Variants in ATP8A2 observed in about 807,000 individuals in gnomAD.
ATP8A2 encodes the protein ATPase phospholipid transporting 8A2.
In ATP8A2, 100 loss-of-function variants were observed where a neutral mutation model predicts 165.6. The observed-to-expected ratio is 0.60, with a 90% CI of 0.51 to 0.71. ATP8A2 has a LOEUF of 0.71. Ranked by LOEUF, ATP8A2 falls within the 30% of genes least tolerant of loss-of-function variation. The pLI is 0.00. For synonymous variants in ATP8A2, 543 were observed against 548.8 expected (o/e 0.99, Z 0.15); for missense variants, 1,227 against 1,479.5 (o/e 0.83, Z 2.80).
At chr13:25,671,309 A>C (rs1445235155) in intron 24 of ATP8A2, among the ~76,000 whole-genome samples, 1 of 152,148 alleles carries the variant, frequency 6.6e-6, no homozygotes, top group Non-Finnish European at 1.5e-5. Context: ...AACTGTACAA[A>C]TTGTACAGCA....
intron 2 of ATP8A2, among the ~76,000 whole-genome samples, chr13:25,495,277 G>T (rs1233595786): frequency 1.3e-5 from 2 of 152,176 alleles, no homozygotes; most frequent in Non-Finnish European, 2.9e-5. Flanking sequence ...AAGAGGCTGA[G>T]AAGGGGTTTG....
At chr13:25,726,126 T>C (rs2043487937) in intron 25 of ATP8A2, among the ~76,000 whole-genome samples, 1 of 152,198 alleles carries the variant, frequency 6.6e-6, no homozygotes, top group African/African-American at 2.4e-5. Context: ...TTAAAGAAAT[T>C]CTTTAAAGAG....
At chr13:25,914,308 T>C (rs1026299149) in intron 33 of ATP8A2, among the ~76,000 whole-genome samples, 3 of 152,194 alleles carry the variant, frequency 2.0e-5, no homozygotes, top group African/African-American at 4.8e-5. Flanking sequence ...AATATAAATA[T>C]CAAGTATAAA....
chr13:25,860,324 C>A, intron 31 of ATP8A2, 68 bp downstream of exon 31: 1 of 880,066 alleles, frequency 1.1e-6, no homozygotes. Flanking sequence ...TCTCTAAACC[C>A]TTAAAAAGGG....
intron 1 of ATP8A2, among the ~76,000 whole-genome samples, chr13:25,439,345 T>A (rs1435152318): frequency 1.3e-5 from 2 of 152,082 alleles, no homozygotes; most frequent in Admixed American, 6.5e-5. Context: ...AAGGACATCA[T>A]GGAGCTTTGC....
chr13:25,709,844 A>G (rs545518604), intron 25 of ATP8A2, among the ~76,000 whole-genome samples: 175 of 152,324 alleles, frequency 1.1e-3, no homozygotes, highest in Non-Finnish European at 1.6e-3. Context: ...ATAATGAATA[A>G]TGAATGCAAT....
chr13:25,551,938 C>A (rs1049608840), intron 11 of ATP8A2, among the ~76,000 whole-genome samples: 3 of 151,766 alleles, frequency 2.0e-5, no homozygotes, highest in African/African-American at 7.3e-5. Context: ...TAATTTGTGT[C>A]TCTTAAAGAA....
intron 27 of ATP8A2, among the ~76,000 whole-genome samples, chr13:25,781,808 G>C (rs2044887587): frequency 6.6e-6 from 1 of 152,058 alleles, no homozygotes; most frequent in African/African-American, 2.4e-5. Context: ...AACATTGTTA[G>C]AAAAAAATCA....
At chr13:25,380,123 T>C (rs538162171) in intron 1 of ATP8A2, among the ~76,000 whole-genome samples, 1 of 152,198 alleles carries the variant, frequency 6.6e-6, no homozygotes, top group African/African-American at 2.4e-5. Context: ...TAATGAGGCC[T>C]GAACCCATGC....
intron 33 of ATP8A2, among the ~76,000 whole-genome samples, chr13:25,954,675 A>G (rs1365811602): frequency 2.0e-5 from 3 of 152,230 alleles, no homozygotes; most frequent in African/African-American, 4.8e-5. Flanking sequence ...ACAGGCAGCA[A>G]TTCTTGCTGT....
At chr13:25,818,026 T>C (rs1566169880) in intron 27 of ATP8A2, among the ~76,000 whole-genome samples, 1 of 152,244 alleles carries the variant, frequency 6.6e-6, no homozygotes, top group East Asian at 1.9e-4. Context: ...AGTATTTAAT[T>C]TGTGTTATTT....
chr13:25,965,257 A>T (rs1236763062), intron 34 of ATP8A2, among the ~76,000 whole-genome samples: 1 of 152,220 alleles, frequency 6.6e-6, no homozygotes, highest in Non-Finnish European at 1.5e-5. Flanking sequence ...CCATCTTTCT[A>T]CATTTTCCCC....
At chr13:25,880,740 A>G (rs1952957256) in intron 33 of ATP8A2, among the ~76,000 whole-genome samples, 1 of 152,196 alleles carries the variant, frequency 6.6e-6, no homozygotes, top group Non-Finnish European at 1.5e-5. Context: ...AACCTCACCT[A>G]TCCCTTCATG....
intron 24 of ATP8A2, among the ~76,000 whole-genome samples, chr13:25,697,402 C>A (rs1382783594): frequency 6.6e-6 from 1 of 152,176 alleles, no homozygotes; most frequent in East Asian, 1.9e-4. Context: ...GCCTCAGACT[C>A]CTGAGTAGCT....
chr13:25,889,676 C>T (rs1196492159), intron 33 of ATP8A2, among the ~76,000 whole-genome samples: 5 of 151,892 alleles, frequency 3.3e-5, no homozygotes, highest in African/African-American at 1.2e-4. Context: ...TACCTCCTGC[C>T]TATTTGTTCC....
chr13:25,527,641 G>A (rs572989029), intron 2 of ATP8A2, among the ~76,000 whole-genome samples: 4 of 152,184 alleles, frequency 2.6e-5, no homozygotes, highest in Non-Finnish European at 5.9e-5. Context: ...ATTTGGGCTC[G>A]TTTTTCTAGT....
chr13:25,604,710 T>C (rs2040472624), intron 24 of ATP8A2, among the ~76,000 whole-genome samples: 1 of 152,242 alleles, frequency 6.6e-6, no homozygotes, highest in Non-Finnish European at 1.5e-5. Context: ...AAGAATCTTA[T>C]TTTTGTTTAT....
intron 20 of ATP8A2, 113 bp from the exon 21 acceptor site, chr13:25,578,702 C>G (rs1483269858): frequency 2.8e-6 from 2 of 722,404 alleles, no homozygotes; most frequent in Non-Finnish European, 5.0e-6. Flanking sequence ...TCCTACTTAC[C>G]CACTCGGGTA....
At chr13:25,635,626 T>C (rs1188742836) in intron 24 of ATP8A2, among the ~76,000 whole-genome samples, 1 of 152,222 alleles carries the variant, frequency 6.6e-6, no homozygotes, top group African/African-American at 2.4e-5. Flanking sequence ...TTTCAGGGAA[T>C]GCTGTCTGTT....
Sources: gnomAD v4.1 joint callset for allele counts (sites outside exome capture counted in the v4.1 genomes callset) on GRCh38, gnomAD v4.1.1 for gene constraint, MANE v1.5 for transcripts, NCBI Gene and HGNC (gene_info 2026-07-23, HGNC 2026-07-21) for gene names.